The following ADGRA3 variants were observed in gnomAD, a reference collection of about 807,000 sequenced individuals.
ADGRA3 encodes the protein G-protein coupled receptor 125.
In ADGRA3, 56 loss-of-function variants were observed where a neutral mutation model predicts 119.8. That is an observed-to-expected ratio of 0.47 (90% CI 0.38 to 0.58). The LOEUF (loss-of-function observed/expected upper bound fraction) is 0.58, where lower values mean the gene tolerates loss of function less well. Ranked by LOEUF, ADGRA3 falls within the 20% of genes least tolerant of loss-of-function variation. ADGRA3 has a pLI of 0.00. For missense variants in ADGRA3, 1,516 were observed against 1,649.0 expected, an observed-to-expected ratio of 0.92 and a Z score of 1.40; for synonymous variants, 607 against 623.8, an observed-to-expected ratio of 0.97 and a Z score of 0.40.
At position 22,392,663 on chromosome 4, in the gene ADGRA3, G is replaced by A; in HGVS notation, c.2509C>T (p.Leu837Phe). The change falls in exon 17 of 19, where the codon CTT (leucine) becomes TTT (phenylalanine). Residue 837 changes from leucine to phenylalanine, a missense_variant. Physicochemically the swap from Leu to Phe is conservative, Grantham distance 22. Coordinates refer to ENST00000334304, the MANE Select transcript of ADGRA3 (RefSeq NM_145290.4). The part of the protein sequence containing the change: ...AVGIILHYST[L>F]ATVLWVGVTA... ...ACTCCTACCCATAGTACTGTGGCAA[G>A]GGTGGAATAGTGAAGAATTATCCCA... is the stretch of plus-strand genomic sequence containing the variant. The A allele has an allele frequency of 6.2e-7, 1 of 1,613,188 alleles. No individual in the cohort carries two copies.
intron 12 of ADGRA3, chr4:22,414,070 T>C (rs1441762119): frequency 3.0e-6 from 1 of 328,806 alleles, no homozygotes; most frequent in Non-Finnish European, 5.5e-6. Context: ...TGTTTCAAAT[T>C]AACAAAGTTA....
At chr4:22,463,383 G>A (rs1157436390) in intron 2 of ADGRA3, among the ~76,000 whole-genome samples, 2 of 152,184 alleles carry the variant, frequency 1.3e-5, no homozygotes, top group African/African-American at 4.8e-5. Flanking sequence ...GGCGCCACCT[G>A]TCAGCACAAC....
intron 13 of ADGRA3, 37 bp downstream of exon 13, chr4:22,413,564 T>C: frequency 6.4e-7 from 1 of 1,565,524 alleles, no homozygotes; most frequent in African/African-American, 1.4e-5. Context: ...GGCCTTATTG[T>C]CCACTGACTA....
At chr4:22,424,036 G>T (rs1715825326) in intron 11 of ADGRA3, among the ~76,000 whole-genome samples, 155 bp downstream of exon 11, 1 of 152,192 alleles carries the variant, frequency 6.6e-6, no homozygotes, top group Admixed American at 6.6e-5. Context: ...CTTATAAAAT[G>T]TTATAACTTA....
intron 16 of ADGRA3, among the ~76,000 whole-genome samples, chr4:22,400,324 G>T (rs1398423704): frequency 1.3e-5 from 2 of 152,060 alleles, no homozygotes; most frequent in Non-Finnish European, 2.9e-5. Flanking sequence ...AATAGATAAA[G>T]AAAATGTGGT....
intron 3 of ADGRA3, chr4:22,455,794 A>G (rs1480073739): frequency 1.6e-6 from 2 of 1,286,420 alleles, no homozygotes; most frequent in East Asian, 5.5e-5. Context: ...ACCACTGACA[A>G]TATCTGTAAC....
At chr4:22,464,184 T>C (rs1419696185) in intron 2 of ADGRA3, among the ~76,000 whole-genome samples, 1 of 152,212 alleles carries the variant, frequency 6.6e-6, no homozygotes, top group African/African-American at 2.4e-5. Context: ...ATCTATGCTC[T>C]GATTACCATC....
At position 22,442,754 on chromosome 4, in the gene ADGRA3, G is replaced by A. The variant is rs1716668972; in HGVS notation, c.816C>T (p.Asp272=). ...FQCMASYIDQ[D]MQVLWYQDGR... is the part of the protein sequence containing the mutation. Reference sequence around the variant, plus strand: ...CATCCTGATACCACAACACTTGCATGTCCTGATCAATATATGAAGCCATGC... The same window carrying A: ...CATCCTGATACCACAACACTTGCATATCCTGATCAATATATGAAGCCATGC... The change falls in exon 7 of 19, where the codon GAC becomes GAT. Residue 272 remains aspartate, a synonymous_variant. Coordinates refer to ENST00000334304, the MANE Select transcript of ADGRA3 (RefSeq NM_145290.4). The A allele has an allele frequency of 6.2e-7, 1 of 1,611,278 alleles. No individual in the cohort carries two copies. The highest frequency in any genetic ancestry group is 8.5e-7 in the Non-Finnish European group (1 of 1,177,630).
At position 22,420,993 on chromosome 4, in the gene ADGRA3, G is replaced by A. The variant is rs375354992; in HGVS notation, c.1702C>T (p.Arg568Cys). Reference protein sequence around the residue: ...TVFQKVAASDRTGLSDYGRRD... With the variant: ...TVFQKVAASDCTGLSDYGRRD... ...CTCCCATAATCCGAAAGTCCTGTAC[G>A]ATCAGAGGCTGCCACTTTCTGGAAC... The change falls in exon 12 of 19, where the codon CGT (arginine) becomes TGT (cysteine). Residue 568 changes from arginine to cysteine, a missense_variant. Physicochemically the swap from Arg to Cys is radical, Grantham distance 180. Transcript: ENST00000334304. 122 of 1,613,892 alleles carry A rather than the reference G, an allele frequency of 7.6e-5. No individual in the cohort carries two copies. The highest frequency in any genetic ancestry group is 9.9e-5 in the Non-Finnish European group (117 of 1,179,952).
intron 10 of ADGRA3, among the ~76,000 whole-genome samples, chr4:22,424,876 A>G (rs1715868115): frequency 6.6e-6 from 1 of 152,172 alleles, no homozygotes; most frequent in Non-Finnish European, 1.5e-5. Context: ...GTTCGAGACC[A>G]TCCTAACCAA....
At chr4:22,419,498 T>C (rs891565991) in intron 12 of ADGRA3, among the ~76,000 whole-genome samples, 5 of 152,138 alleles carry the variant, frequency 3.3e-5, no homozygotes, top group African/African-American at 1.2e-4. Flanking sequence ...CTTAAAAGGA[T>C]AGAATGGCAT....
rs1468585925 is a variant in ADGRA3, at chr4:22,515,870, G to A, written c.-86C>T. ...GCCCGGGCGGGCAGGAGCGCGGCGCGGGCCCAGCGGCGACCGGAGCCTTAT... is the reference window on the plus strand; with the variant it reads ...GCCCGGGCGGGCAGGAGCGCGGCGCAGGCCCAGCGGCGACCGGAGCCTTAT... On this transcript the variant is annotated 5_prime_UTR_variant, in exon 1 of 19. Transcript: ENST00000334304. 3.8e-5 allele frequency: 35 copies of A among 912,270 alleles called. No individual in the cohort carries two copies. Among genetic ancestry groups the A allele is most frequent in the Non-Finnish European group, 4.2e-5 (32 of 764,972 alleles). 56.5% of individuals were successfully genotyped at this position (912,270 alleles called of 1,614,324 possible).
chr4:22,405,592 T>C (rs1714885766), intron 14 of ADGRA3, among the ~76,000 whole-genome samples: 3 of 151,392 alleles, frequency 2.0e-5, no homozygotes, highest in South Asian at 2.1e-4. Context: ...GAAACTGCTA[T>C]TTTTCAAAAG....
Position 22,444,965 on chromosome 4 carries a change from T to C in ADGRA3, c.706+8A>G, listed in dbSNP as rs1230092497. 1 of 1,612,374 alleles carries C rather than the reference T, an allele frequency of 6.2e-7. No homozygotes were observed. ...TAAATGCTTTCTCAGTTTGGATTTC[T>C]CCCTTACCGCATGTCAACAGCTCCT... On this transcript the variant is annotated splice_region_variant and intron_variant, in intron 6 of 18. Coordinates refer to ENST00000334304, the MANE Select transcript of ADGRA3 (RefSeq NM_145290.4).
At chr4:22,421,150 C>A in intron 11 of ADGRA3, 61 bp from the exon 12 acceptor site, 1 of 1,426,548 alleles carries the variant, frequency 7.0e-7, no homozygotes, top group Admixed American at 1.8e-5. Flanking sequence ...AAAGCACTTT[C>A]AAAGACTTTT....
chr4:22,510,964 T>C (rs1490271303), intron 1 of ADGRA3, among the ~76,000 whole-genome samples: 1 of 152,242 alleles, frequency 6.6e-6, no homozygotes, highest in Non-Finnish European at 1.5e-5. Context: ...ATTTCTTTTC[T>C]TGTACTTTGT....
intron 12 of ADGRA3, among the ~76,000 whole-genome samples, chr4:22,415,206 T>C (rs1323428332): frequency 2.0e-5 from 3 of 152,198 alleles, no homozygotes; most frequent in Non-Finnish European, 4.4e-5. Context: ...TTGATCAAAA[T>C]AATCCACTGT....
At chr4:22,403,134 C>A (rs988027113) in intron 14 of ADGRA3, among the ~76,000 whole-genome samples, 1 of 152,052 alleles carries the variant, frequency 6.6e-6, no homozygotes, top group Non-Finnish European at 1.5e-5. Context: ...CTTTTCAATG[C>A]CCTTTAAGCC....
chr4:22,510,531 C>T (rs1192903820), intron 1 of ADGRA3, among the ~76,000 whole-genome samples: 2 of 152,046 alleles, frequency 1.3e-5, no homozygotes, highest in Non-Finnish European at 1.5e-5. Flanking sequence ...CTCCTCTCCC[C>T]TCTGTGCACT....
Sources: allele counts gnomAD v4.1 joint callset (sites outside exome capture counted in the v4.1 genomes callset), GRCh38; gene constraint gnomAD v4.1.1; transcripts MANE v1.5; gene names NCBI Gene and HGNC (gene_info 2026-07-23, HGNC 2026-07-21).